The following BTAF1 variants were observed in gnomAD, a reference collection of about 807,000 sequenced individuals.
BTAF1 encodes B-TFIID TATA-box binding protein associated factor 1, also known as TATA-binding protein-associated factor 172.
BTAF1 carries 38 observed loss-of-function variants against 227.1 expected under a neutral mutation model. That is an observed-to-expected ratio of 0.17 (90% confidence interval 0.13 to 0.22). The LOEUF is 0.22. Among genes scored for constraint, BTAF1 ranks in the 10% least tolerant of loss-of-function variants. The probability of loss-of-function intolerance (pLI) is 1.00; values close to 1 mark genes in which losing one functional copy is unlikely to be tolerated. For missense variants in BTAF1, 1,598 were observed against 2,204.0 expected, an observed-to-expected ratio of 0.73 and a Z score of 5.51; for synonymous variants, 742 against 751.9, an observed-to-expected ratio of 0.99 and a Z score of 0.21.
At chr10:92,001,248 T>G (rs1246705332) in intron 25 of BTAF1, among the ~76,000 whole-genome samples, 1 of 152,064 alleles carries the variant, frequency 6.6e-6, no homozygotes, top group Non-Finnish European at 1.5e-5. Flanking sequence ...TACCTGAAGG[T>G]AGGTACTGCA....
At position 91,951,584 on chromosome 10, in the gene BTAF1, T is replaced by G; in HGVS notation, c.564+18T>G. ...AACAACCTGTAGGTAAAACGTTTGG[T>G]TATTTGATTGCAAGTAATAATACAA... On this transcript the variant is annotated intron_variant, in intron 5 of 37. Transcript: ENST00000265990. 6.4e-7 allele frequency: 1 copy of G among 1,566,154 alleles called. No homozygotes were observed. The highest frequency in any genetic ancestry group is 8.6e-7 in the Non-Finnish European group (1 of 1,162,504).
Position 91,942,428 on chromosome 10 carries a change from C to T in BTAF1, c.260C>T (p.Thr87Ile). The T allele has an allele frequency of 6.2e-7, 1 of 1,610,616 alleles. No homozygotes were observed. Among genetic ancestry groups the T allele is most frequent in the Middle Eastern group, 1.7e-4 (1 of 6,052 alleles). The change falls in exon 4 of 38, where the codon ACT (threonine) becomes ATT (isoleucine). Residue 87 changes from threonine to isoleucine, a missense_variant. Thr to Ile is a moderately conservative substitution (Grantham distance 89). This residue lies in a region of BTAF1 where 298 missense variants were observed against 395.2 expected (regional missense o/e 0.75). Coordinates refer to ENST00000265990, the MANE Select transcript of BTAF1 (RefSeq NM_003972.3). Reference protein sequence around the residue: ...NPVPRTRQEPTSESSMEDSPT... With the variant: ...NPVPRTRQEPISESSMEDSPT... ...ATTTTTAAACCTCATGTAGAACCTA[C>T]TTCCGAAAGTTCTATGGAAGATTCA...
chr10:92,004,648 G>T (rs952255924), intron 25 of BTAF1, among the ~76,000 whole-genome samples: 1 of 151,860 alleles, frequency 6.6e-6, no homozygotes, highest in Non-Finnish European at 1.5e-5. Context: ...TATTTATTTT[G>T]TGTGGAGATG....
In BTAF1 at chr10:92,009,087, C is replaced by A. The variant is rs1056143858; in HGVS notation, c.3982C>A (p.Pro1328Thr). The change falls in exon 28 of 38, where the codon CCT becomes ACT. Residue 1328 changes from proline (P) to threonine (T), a missense_variant. This residue lies in a region of BTAF1 where 184 missense variants were observed against 341.1 expected (regional missense o/e 0.54). Coordinates refer to ENST00000265990, the MANE Select transcript of BTAF1 (RefSeq NM_003972.3). Reference protein sequence around the residue: ...RSKLAECMPLPSLVVCPPTLT... With the variant: ...RSKLAECMPLTSLVVCPPTLT... ...AAAATTAGCAGAATGTATGCCACTT[C>A]CTTCCTTAGTGGTTTGTCCGCCAAC... 6.2e-6 allele frequency: 10 copies of A among 1,614,024 alleles called. No homozygotes were observed. Among genetic ancestry groups the A allele is most frequent in the Admixed American group, 3.3e-5 (2 of 60,006 alleles).
intron 12 of BTAF1, 71 bp from the exon 13 acceptor site, chr10:91,964,006 G>T: frequency 1.3e-6 from 2 of 1,550,066 alleles, no homozygotes; most frequent in Non-Finnish European, 1.8e-6. Context: ...TGACCCCTGG[G>T]ATACCATTTG....
intron 14 of BTAF1, among the ~76,000 whole-genome samples, chr10:91,972,428 G>C (rs763306066): frequency 3.9e-5 from 6 of 151,978 alleles, no homozygotes; most frequent in South Asian, 4.2e-4. Flanking sequence ...CTTCCTCTCT[G>C]TACCTTTTCT....
At chr10:91,951,629 T>C in intron 5 of BTAF1, 63 bp downstream of exon 5, 1 of 1,474,844 alleles carries the variant, frequency 6.8e-7, no homozygotes, top group Non-Finnish European at 9.1e-7. Flanking sequence ...TTCATTTTGT[T>C]TATGTAATTA....
At chr10:91,956,695 CT>C in intron 7 of BTAF1, 38 bp downstream of exon 7, 1 of 1,591,190 alleles carries the variant, frequency 6.3e-7, no homozygotes. Context: ...ATTAAAATTG[CT>C]TATAATCTTT....
chr10:91,950,832 ATTT>A (rs375509577), intron 4 of BTAF1, among the ~76,000 whole-genome samples: 7 of 132,576 alleles, frequency 5.3e-5, no homozygotes, highest in Non-Finnish European at 3.2e-5. Flanking sequence ...ATAGAGATGT[ATTT>A]TTTTTTTTTT....
chr10:91,982,194 G>C lies in BTAF1; in HGVS notation c.2017G>C (p.Val673Leu). The change falls in exon 17 of 38, where the codon GTA becomes CTA. Residue 673 changes from valine to leucine, a missense_variant. By Grantham distance (32) the Val-to-Leu change is conservative (BLOSUM62 1). This residue lies in a region of BTAF1 where 318 missense variants were observed against 435.0 expected (regional missense o/e 0.73). Transcript: ENST00000265990. ...IMEDPATRDF[V>L]VMRARMMAAK... is the part of the protein sequence containing the mutation. Reference sequence around the variant, plus strand: ...GGAAGACCCAGCCACCAGGGATTTTGTAGTTATGCGGGCCAGAATGATGGC... The same window carrying C: ...GGAAGACCCAGCCACCAGGGATTTTCTAGTTATGCGGGCCAGAATGATGGC... The C allele has an allele frequency of 6.2e-7, 1 of 1,613,948 alleles. No individual in the cohort carries two copies. Among genetic ancestry groups the C allele is most frequent in the Non-Finnish European group, 8.5e-7 (1 of 1,179,864 alleles).
At position 91,992,465 on chromosome 10, in the gene BTAF1, G is replaced by A. The variant is rs72825307; in HGVS notation, c.3045+156G>A. Among the ~76,000 whole-genome samples the A allele has an allele frequency of 0.066, 10,004 of 151,930 alleles. 462 individuals carry two copies. Among genetic ancestry groups the A allele is most frequent in the Non-Finnish European group, 0.1 (7,038 of 67,962 alleles). ...TCCAACAATATGATCCAGAAAAACGGCAAACTTCAAATATCTCATGTCTCT... is the reference window on the plus strand; with the variant it reads ...TCCAACAATATGATCCAGAAAAACGACAAACTTCAAATATCTCATGTCTCT... On this transcript the variant is annotated intron_variant, in intron 21 of 37. Coordinates refer to ENST00000265990, the MANE Select transcript of BTAF1 (RefSeq NM_003972.3).
chr10:91,968,547 GAGT>G lies in BTAF1; in HGVS notation c.1650+1792_1650+1794del, dbSNP rs531853439. On this transcript the variant is annotated intron_variant, in intron 14 of 37. Coordinates refer to ENST00000265990, the MANE Select transcript of BTAF1 (RefSeq NM_003972.3). ...TGGGCATTAAGTTTTCAACTCACTT[GAGT>G]AAATACCAAGGAGCGTATCTGCTGA... Among the ~76,000 whole-genome samples, 87 of 152,288 alleles carry G rather than the reference GAGT, an allele frequency of 5.7e-4. 1 individual carries two copies. In the South Asian group the frequency reaches 6.8e-3, roughly 12 times the overall value.
chr10:91,957,425 T>C (rs1846181274), intron 8 of BTAF1, 132 bp downstream of exon 8: 3 of 550,674 alleles, frequency 5.4e-6, no homozygotes, highest in Non-Finnish European at 9.5e-6. Flanking sequence ...GCACGTCATA[T>C]CATTGACCTA....
intron 24 of BTAF1, 59 bp from the exon 25 acceptor site, chr10:91,997,540 CAGTT>C (rs1849226173): frequency 1.4e-6 from 2 of 1,419,256 alleles, no homozygotes; most frequent in Non-Finnish European, 1.9e-6. Flanking sequence ...ATCTTGGTAT[CAGTT>C]TGTTTGTGAA....
chr10:91,997,164 C>T (rs899280862), intron 24 of BTAF1: 2 of 1,287,424 alleles, frequency 1.6e-6, no homozygotes, highest in Non-Finnish European at 2.0e-6. Flanking sequence ...AGGAGAACTG[C>T]GCTTACTAGG....
chr10:91,984,094 T>G, intron 18 of BTAF1, 107 bp from the exon 19 acceptor site: 1 of 915,028 alleles, frequency 1.1e-6, no homozygotes, highest in Middle Eastern at 3.3e-4. Context: ...GAATATAGAT[T>G]CAGTACAAGT....
intron 27 of BTAF1, 22 bp from the exon 28 acceptor site, chr10:92,009,019 A>G (rs1850129274): frequency 5.6e-6 from 9 of 1,612,752 alleles, no homozygotes; most frequent in South Asian, 1.1e-5. Context: ...TGGTTAATTT[A>G]TTGTGTTTTG....
At chr10:91,964,271 C>T in intron 13 of BTAF1, 70 bp downstream of exon 13, 5 of 1,500,880 alleles carry the variant, frequency 3.3e-6, no homozygotes, top group East Asian at 2.3e-5. Flanking sequence ...TCAGCCTAAA[C>T]ATAACAATAT....
chr10:92,030,606 A>AAGTT lies in BTAF1; in HGVS notation c.*1677_*1680dup, dbSNP rs780118764. Among the ~76,000 whole-genome samples the AAGTT allele has an allele frequency of 1.8e-4, 28 of 152,090 alleles. No individual in the cohort carries two copies. The highest frequency in any genetic ancestry group is 3.2e-4 in the Non-Finnish European group (22 of 67,982). On this transcript the variant is annotated 3_prime_UTR_variant, in exon 38 of 38. Coordinates refer to ENST00000265990, the MANE Select transcript of BTAF1 (RefSeq NM_003972.3). ...AGGGGCAAAAGAAATCACACCATAA[A>AAGTT]AGTTAGTACTTTTTCCCAATCTGAA...
Sources: allele counts gnomAD v4.1 joint callset (sites outside exome capture counted in the v4.1 genomes callset), GRCh38; gene constraint gnomAD v4.1.1; regional missense constraint gnomAD v4.1.1; transcripts MANE v1.5; gene names NCBI Gene and HGNC (gene_info 2026-07-23, HGNC 2026-07-21).